CFAP47: variants seen among roughly 807,000 people sequenced by gnomAD.
CFAP47 encodes the protein cilia and flagella associated protein 47.
A neutral mutation model predicts 148.1 loss-of-function variants in CFAP47; 29 were observed. The ratio of observed to expected loss-of-function variants is 0.20; its 90% CI spans 0.15 to 0.27. CFAP47 has a LOEUF of 0.27. Among genes scored for constraint, CFAP47 ranks in the 10% least tolerant of loss-of-function variants. The probability of loss-of-function intolerance (pLI) is 1.00; values close to 1 mark genes in which losing one functional copy is unlikely to be tolerated. For missense variants in CFAP47, 1,872 were observed against 1,697.5 expected, an observed-to-expected ratio of 1.10 and a Z score of -1.81; for synonymous variants, 664 against 577.3, an observed-to-expected ratio of 1.15 and a Z score of -2.15.
chrX:35,992,043 A>C lies in CFAP47; in HGVS notation c.2967+100A>C, dbSNP rs1485194548. ...TCTTCACTTTTGCTAATTTTTAGAT[A>C]CTTCACATTAAATTTACCTGAGTAT... On this transcript the variant is annotated intron_variant, in intron 17 of 63. Transcript: ENST00000378653. 2.5e-5 allele frequency: 7 copies of C among 276,278 alleles called. No homozygotes were observed. In the Admixed American group the frequency reaches 4.5e-4, roughly 18 times the overall value. The allele number at this position is 276,278 out of a possible 1,213,427, so 22.8% of individuals were successfully genotyped here.
At chrX:36,034,512 A>C (rs2146721787) in intron 23 of CFAP47, among the ~76,000 whole-genome samples, 1 of 111,385 alleles carries the variant, frequency 9.0e-6, no homozygotes, top group East Asian at 2.8e-4. Context: ...TTCTTTAAAA[A>C]AGATTATTTC....
chrX:36,265,376 C>G (rs895235686), intron 49 of CFAP47, among the ~76,000 whole-genome samples: 1 of 111,770 alleles, frequency 8.9e-6, no homozygotes, highest in African/African-American at 3.3e-5. Flanking sequence ...ATCCTCTCTT[C>G]TGATTTGAAT....
intron 46 of CFAP47, among the ~76,000 whole-genome samples, chrX:36,231,589 T>G (rs1243563531): frequency 2.7e-5 from 3 of 111,171 alleles, no homozygotes; most frequent in Non-Finnish European, 3.8e-5. Flanking sequence ...CTTTTCCTAA[T>G]TGAATACCCT....
intron 45 of CFAP47, among the ~76,000 whole-genome samples, chrX:36,207,307 T>C (rs926262622): frequency 9.0e-6 from 1 of 111,403 alleles, no homozygotes; most frequent in African/African-American, 3.3e-5. Flanking sequence ...ACAAAACTTT[T>C]TTTTTTTCTT....
At chrX:36,313,185 T>A (rs1006236663) in intron 56 of CFAP47, among the ~76,000 whole-genome samples, 1 of 111,330 alleles carries the variant, frequency 9.0e-6, no homozygotes, top group African/African-American at 3.3e-5. Context: ...ACTATATTAG[T>A]TCATTTTTGC....
chrX:36,266,651 A>G (rs1237608333), intron 49 of CFAP47, among the ~76,000 whole-genome samples: 1 of 110,535 alleles, frequency 9.0e-6, no homozygotes, highest in Non-Finnish European at 1.9e-5. Context: ...ATGATGGTAG[A>G]TGCTGGCAAA....
intron 59 of CFAP47, among the ~76,000 whole-genome samples, chrX:36,350,568 C>A (rs2146984972): frequency 9.0e-6 from 1 of 111,403 alleles, no homozygotes; most frequent in Admixed American, 9.6e-5. Flanking sequence ...GGTGTTCCCC[C>A]AAACCAGTCA....
intron 2 of CFAP47, among the ~76,000 whole-genome samples, chrX:35,934,697 T>A (rs566302288): frequency 1.8e-5 from 2 of 111,075 alleles, no homozygotes; most frequent in African/African-American, 6.5e-5. Flanking sequence ...AGTTTCCAAG[T>A]GTCACCCAAG....
chrX:36,326,789 C>T (rs1406433613), intron 57 of CFAP47, among the ~76,000 whole-genome samples: 4 of 111,111 alleles, frequency 3.6e-5, no homozygotes, highest in Non-Finnish European at 7.5e-5. Context: ...GGAATTGGAA[C>T]TTATATTTAA....
intron 3 of CFAP47, among the ~76,000 whole-genome samples, chrX:35,948,066 C>T (rs1304268516): frequency 8.9e-6 from 1 of 111,800 alleles, no homozygotes; most frequent in Non-Finnish European, 1.9e-5. Flanking sequence ...TTGGGCCACA[C>T]ATCAAATACA....
Position 35,967,409 on chromosome X carries a change from T to C in CFAP47, c.1601-210T>C, listed in dbSNP as rs143691455. Among the ~76,000 whole-genome samples, 628 of 111,111 alleles carry C rather than the reference T, an allele frequency of 5.7e-3. 7 individuals are homozygous for C. The highest frequency in any genetic ancestry group is 0.02 in the African/African-American group (604 of 30,635). On this transcript the variant is annotated intron_variant, in intron 9 of 63. Coordinates refer to ENST00000378653, the MANE Select transcript of CFAP47 (RefSeq NM_001304548.2). ...CTTCAAGTTATCATATTTTATATTT[T>C]TATATATGCATTTTTATTATTCATA...
At chrX:36,068,710 C>A (rs1273942440) in intron 27 of CFAP47, among the ~76,000 whole-genome samples, 3 of 108,398 alleles carry the variant, frequency 2.8e-5, no homozygotes, top group African/African-American at 1.0e-4. Context: ...GTAATCCCAG[C>A]ACTTTTGGAG....
At chrX:36,022,823 C>T (rs1020082170) in intron 22 of CFAP47, among the ~76,000 whole-genome samples, 12 of 111,147 alleles carry the variant, frequency 1.1e-4, no homozygotes, top group African/African-American at 2.3e-4. Context: ...AAATTATTTC[C>T]GTCTCTTTGT....
At chrX:36,177,124 TA>T (rs1426680625) in intron 39 of CFAP47, among the ~76,000 whole-genome samples, 3 of 111,905 alleles carry the variant, frequency 2.7e-5, no homozygotes, top group African/African-American at 9.7e-5. Flanking sequence ...CAAGTAGGAT[TA>T]TTTTTTTCTT....
At chrX:36,359,808 T>C (rs1447202545) in intron 60 of CFAP47, among the ~76,000 whole-genome samples, 9 of 111,477 alleles carry the variant, frequency 8.1e-5, no homozygotes, top group African/African-American at 2.9e-4. Flanking sequence ...TGGAGTGTGA[T>C]GGCACAATCT....
chrX:36,381,753 A>G (rs782674772), intron 63 of CFAP47, among the ~76,000 whole-genome samples: 1 of 110,734 alleles, frequency 9.0e-6, no homozygotes, highest in African/African-American at 3.3e-5. Flanking sequence ...GTTTATGAAA[A>G]TGTGAGGATT....
chrX:36,034,913 T>C (rs1937320670), intron 23 of CFAP47, among the ~76,000 whole-genome samples: 1 of 111,020 alleles, frequency 9.0e-6, no homozygotes, highest in Non-Finnish European at 1.9e-5. Context: ...TCAGGAAATA[T>C]GTGTATATAT....
intron 58 of CFAP47, among the ~76,000 whole-genome samples, 181 bp downstream of exon 58, chrX:36,348,469 G>T (rs1286444233): frequency 9.1e-6 from 1 of 110,276 alleles, no homozygotes; most frequent in Non-Finnish European, 1.9e-5. Context: ...TATATATAAT[G>T]TATAGAAAAT....
intron 57 of CFAP47, among the ~76,000 whole-genome samples, chrX:36,343,232 G>T (rs781879369): frequency 9.0e-5 from 10 of 111,291 alleles, no homozygotes; most frequent in Non-Finnish European, 1.7e-4. Flanking sequence ...ACTTAAATAA[G>T]TTTACAAGAA....
Sources: gnomAD v4.1 joint callset for allele counts (sites outside exome capture counted in the v4.1 genomes callset) on GRCh38, gnomAD v4.1.1 for gene constraint, MANE v1.5 for transcripts, NCBI Gene and HGNC (gene_info 2026-07-23, HGNC 2026-07-21) for gene names.